RAP1GDS1: variants seen among roughly 807,000 people sequenced by gnomAD.
RAP1GDS1 encodes RAP1, GTP-GDP dissociation stimulator 1.
In RAP1GDS1, 35 loss-of-function variants were observed where a neutral mutation model predicts 71.1. That is an observed-to-expected ratio of 0.49 (90% CI 0.38 to 0.65). The LOEUF is 0.65. Among genes scored for constraint, RAP1GDS1 ranks in the 30% least tolerant of loss-of-function variants. The pLI, the probability that RAP1GDS1 is intolerant of heterozygous loss-of-function variation, is 0.00. For synonymous variants in RAP1GDS1, 229 were observed against 243.1 expected (o/e 0.94, Z 0.54); for missense variants, 663 against 706.1 (o/e 0.94, Z 0.69).
At chr4:98,351,238 C>T (rs1737138861) in intron 3 of RAP1GDS1, among the ~76,000 whole-genome samples, 1 of 152,076 alleles carries the variant, frequency 6.6e-6, no homozygotes, top group South Asian at 2.1e-4. Context: ...TAATCTGAGT[C>T]TTAGAAGTTT....
chr4:98,435,694 A>AT (rs539224374), intron 13 of RAP1GDS1, among the ~76,000 whole-genome samples: 130 of 148,918 alleles, frequency 8.7e-4, no homozygotes, highest in Admixed American at 3.1e-3. Context: ...TCTTTTAACC[A>AT]TTTTTTTTTT....
intron 3 of RAP1GDS1, among the ~76,000 whole-genome samples, chr4:98,348,162 A>G (rs1361356882): frequency 6.7e-6 from 1 of 150,174 alleles, no homozygotes; most frequent in South Asian, 2.1e-4. Context: ...TCCCCTTCCT[A>G]TGTCCTAGTG....
chr4:98,280,620 C>A (rs1473478868), intron 1 of RAP1GDS1, among the ~76,000 whole-genome samples: 1 of 152,070 alleles, frequency 6.6e-6, no homozygotes, highest in African/African-American at 2.4e-5. Context: ...TTAATTAGAT[C>A]CCATTTGTCA....
intron 4 of RAP1GDS1, among the ~76,000 whole-genome samples, chr4:98,361,867 T>C (rs1200312329): frequency 1.3e-5 from 2 of 152,236 alleles, no homozygotes; most frequent in Non-Finnish European, 2.9e-5. Context: ...TCTTTTGATA[T>C]GTGTGCACTT....
intron 4 of RAP1GDS1, among the ~76,000 whole-genome samples, chr4:98,370,294 A>T (rs1740178214): frequency 6.6e-6 from 1 of 152,184 alleles, no homozygotes. Flanking sequence ...TAAAATAAGG[A>T]AATTTTACTC....
At chr4:98,275,848 C>G (rs2110240096) in intron 1 of RAP1GDS1, among the ~76,000 whole-genome samples, 1 of 152,250 alleles carries the variant, frequency 6.6e-6, no homozygotes, top group South Asian at 2.1e-4. Flanking sequence ...TTAAACCTCC[C>G]ACCTCTTTAC....
At chr4:98,323,825 G>A (rs1228878965) in intron 2 of RAP1GDS1, among the ~76,000 whole-genome samples, 6 of 150,278 alleles carry the variant, frequency 4.0e-5, no homozygotes, top group Non-Finnish European at 8.9e-5. Context: ...CATACTGAAT[G>A]GGCAAAAACT....
At chr4:98,271,243 C>T (rs958211482) in intron 1 of RAP1GDS1, among the ~76,000 whole-genome samples, 1 of 152,058 alleles carries the variant, frequency 6.6e-6, no homozygotes. Context: ...AATATCTGGG[C>T]TACATCTTTG....
chr4:98,426,849 A>T lies in RAP1GDS1; in HGVS notation c.1440+5455A>T, dbSNP rs563651103. On this transcript the variant is annotated intron_variant, in intron 12 of 14. Coordinates refer to ENST00000408927, the MANE Select transcript of RAP1GDS1 (RefSeq NM_001100427.2). ...ATTCCAAAAGATAGAGAAAGAGGGA[A>T]TCCTCCCCAAATCATTCTGTGAAGC... 2.0e-5 allele frequency among the ~76,000 whole-genome samples: 3 copies of T among 152,276 alleles called. No homozygotes were observed. In the South Asian group the frequency reaches 6.2e-4, roughly 32 times the overall value.
intron 12 of RAP1GDS1, 139 bp downstream of exon 12, chr4:98,421,533 C>T: frequency 1.1e-6 from 1 of 917,402 alleles, no homozygotes; most frequent in Non-Finnish European, 1.5e-6. Context: ...ATATAATGTG[C>T]TTAGCTGATA....
chr4:98,296,053 CAACAAA>C (rs1381930145), intron 2 of RAP1GDS1, among the ~76,000 whole-genome samples: 10 of 149,114 alleles, frequency 6.7e-5, no homozygotes, highest in East Asian at 2.0e-4. Flanking sequence ...ACAACAACAA[CAACAAA>C]AACACAGAGA....
intron 4 of RAP1GDS1, among the ~76,000 whole-genome samples, chr4:98,353,066 CA>C (rs1162313417): frequency 6.6e-6 from 1 of 152,172 alleles, no homozygotes; most frequent in African/African-American, 2.4e-5. Context: ...ATTACATTTG[CA>C]TTGACTCCAT....
intron 6 of RAP1GDS1, among the ~76,000 whole-genome samples, chr4:98,392,839 A>G (rs898146137): frequency 3.9e-4 from 60 of 152,264 alleles, no homozygotes; most frequent in African/African-American, 1.4e-3. Flanking sequence ...TTCTATGAAT[A>G]TATGTGTTAT....
intron 2 of RAP1GDS1, among the ~76,000 whole-genome samples, chr4:98,310,956 G>A (rs908295661): frequency 6.6e-6 from 1 of 152,022 alleles, no homozygotes; most frequent in Non-Finnish European, 1.5e-5. Context: ...TCACACAAAT[G>A]CTTCTCAAAT....
chr4:98,349,865 C>G (rs562097170), intron 3 of RAP1GDS1, among the ~76,000 whole-genome samples: 1 of 152,028 alleles, frequency 6.6e-6, no homozygotes, highest in Non-Finnish European at 1.5e-5. Context: ...CTGCCTGAAG[C>G]ATGATAACTT....
At chr4:98,403,168 AGTACAG>A (rs1299607224) in intron 6 of RAP1GDS1, among the ~76,000 whole-genome samples, 1 of 152,170 alleles carries the variant, frequency 6.6e-6, no homozygotes, top group Admixed American at 6.5e-5. Context: ...CAGGGTATCT[AGTACAG>A]GAAGGAGAGA....
chr4:98,433,956 G>A lies in RAP1GDS1; in HGVS notation c.1461G>A (p.Val487=). Residue 487 remains valine, a synonymous_variant, in exon 13 of 15, where the codon GTG becomes GTA. Transcript: ENST00000408927. ...SKSKDVIKTI[V]QSGGIKHLVT... ...TGTAGGATGTAATTAAAACCATTGTGCAGAGTGGTGGCATCAAGCATCTAG... is the reference window on the plus strand; with the variant it reads ...TGTAGGATGTAATTAAAACCATTGTACAGAGTGGTGGCATCAAGCATCTAG... The A allele has an allele frequency of 6.2e-7, 1 of 1,608,028 alleles. No homozygotes were observed.
intron 7 of RAP1GDS1, among the ~76,000 whole-genome samples, chr4:98,411,555 T>C (rs1747063335): frequency 6.6e-6 from 1 of 152,246 alleles, no homozygotes; most frequent in East Asian, 1.9e-4. Context: ...TTTTATCTCA[T>C]TGGTGTTTTG....
intron 1 of RAP1GDS1, among the ~76,000 whole-genome samples, chr4:98,278,410 A>G (rs531460120): frequency 1.3e-5 from 2 of 152,272 alleles, no homozygotes; most frequent in East Asian, 3.9e-4. Context: ...ATTACTGTAA[A>G]GTTGAATTTA....
Sources: gnomAD v4.1 joint callset for allele counts (sites outside exome capture counted in the v4.1 genomes callset) on GRCh38, gnomAD v4.1.1 for gene constraint, MANE v1.5 for transcripts, NCBI Gene and HGNC (gene_info 2026-07-23, HGNC 2026-07-21) for gene names.